PELI2: variants seen among roughly 807,000 people sequenced by gnomAD.
The protein encoded by PELI2 is E3 ubiquitin-protein ligase pellino homolog 2.
In PELI2, 23 loss-of-function variants were observed where a neutral mutation model predicts 42.3. The observed-to-expected ratio is 0.54, with a 90% CI of 0.39 to 0.77. The LOEUF is 0.77. Ranked by LOEUF, PELI2 falls within the 30% of genes least tolerant of loss-of-function variation. The probability of loss-of-function intolerance (pLI) is 0.00; values close to 1 mark genes in which losing one functional copy is unlikely to be tolerated. For missense variants in PELI2, 463 were observed against 553.2 expected, an observed-to-expected ratio of 0.84 and a Z score of 1.64; for synonymous variants, 245 against 212.2, an observed-to-expected ratio of 1.15 and a Z score of -1.34.
At chr14:56,148,072 T>C (rs745962747) in intron 1 of PELI2, among the ~76,000 whole-genome samples, 9 of 152,230 alleles carry the variant, frequency 5.9e-5, no homozygotes, top group South Asian at 2.1e-4. Flanking sequence ...TCCACTTCCT[T>C]GCACTGGATT....
intron 1 of PELI2, among the ~76,000 whole-genome samples, chr14:56,151,511 C>CT (rs1162243953): frequency 4.6e-5 from 7 of 152,320 alleles, no homozygotes; most frequent in Admixed American, 6.5e-5. Flanking sequence ...AATAATACCT[C>CT]AACCATTAGA....
chr14:56,283,996 T>C (rs1407451361), intron 3 of PELI2, among the ~76,000 whole-genome samples: 1 of 152,210 alleles, frequency 6.6e-6, no homozygotes, highest in African/African-American at 2.4e-5. Context: ...ACAGCACTCA[T>C]AGTTCTGAAG....
intron 2 of PELI2, among the ~76,000 whole-genome samples, chr14:56,220,135 G>A (rs1887069930): frequency 6.6e-6 from 1 of 152,124 alleles, no homozygotes; most frequent in African/African-American, 2.4e-5. Flanking sequence ...TAAAGCTCTG[G>A]ACAAGAGGCA....
At chr14:56,178,506 G>A in intron 2 of PELI2, 42 bp downstream of exon 2, 1 of 1,608,078 alleles carries the variant, frequency 6.2e-7, no homozygotes, top group South Asian at 1.1e-5. Flanking sequence ...CTGGCAAACA[G>A]TGACTCACAG....
At chr14:56,154,778 A>G (rs1055520451) in intron 1 of PELI2, among the ~76,000 whole-genome samples, 1 of 152,226 alleles carries the variant, frequency 6.6e-6, no homozygotes, top group African/African-American at 2.4e-5. Context: ...CCTTCAAATT[A>G]GAATTATTAG....
intron 1 of PELI2, among the ~76,000 whole-genome samples, chr14:56,145,752 G>GAT (rs1884091424): frequency 6.6e-6 from 1 of 152,192 alleles, no homozygotes; most frequent in Non-Finnish European, 1.5e-5. Context: ...GAAAGGAAAA[G>GAT]ATACGGCCTC....
chr14:56,174,531 C>G (rs1396184126), intron 1 of PELI2, among the ~76,000 whole-genome samples: 1 of 152,144 alleles, frequency 6.6e-6, no homozygotes, highest in African/African-American at 2.4e-5. Flanking sequence ...AGGGGCCTGG[C>G]AGGAGGCGAT....
intron 2 of PELI2, among the ~76,000 whole-genome samples, chr14:56,242,147 A>G (rs1018446091): frequency 2.6e-5 from 4 of 152,198 alleles, no homozygotes; most frequent in African/African-American, 7.2e-5. Context: ...GGTTCTGTAC[A>G]GAGGATTTTA....
chr14:56,187,480 C>T (rs907871429), intron 2 of PELI2, among the ~76,000 whole-genome samples: 3 of 152,140 alleles, frequency 2.0e-5, no homozygotes, highest in East Asian at 1.9e-4. Flanking sequence ...TAGTTATGAC[C>T]GCTTGTAGTA....
chr14:56,206,583 A>G (rs1886526754), intron 2 of PELI2, among the ~76,000 whole-genome samples: 1 of 152,174 alleles, frequency 6.6e-6, no homozygotes, highest in Non-Finnish European at 1.5e-5. Flanking sequence ...TAATGGTTCT[A>G]CATTCCTAGA....
At chr14:56,125,416 AG>A (rs111561963) in intron 1 of PELI2, among the ~76,000 whole-genome samples, 34,439 of 111,920 alleles carry the variant, frequency 0.31, 4,265 homozygotes, top group Admixed American at 0.37. Context: ...TTGGGTGGGC[AG>A]GGGGGGGGTG....
At chr14:56,123,117 T>C (rs1883124850) in intron 1 of PELI2, among the ~76,000 whole-genome samples, 2 of 151,986 alleles carry the variant, frequency 1.3e-5, no homozygotes, top group South Asian at 4.2e-4. Context: ...TTCCTTTGGA[T>C]GATTCAGTGT....
intron 2 of PELI2, among the ~76,000 whole-genome samples, chr14:56,196,620 C>A (rs1383287994): frequency 6.6e-6 from 1 of 152,140 alleles, no homozygotes; most frequent in Non-Finnish European, 1.5e-5. Context: ...TGAAAAATGG[C>A]CGATAGGATC....
chr14:56,178,755 G>C (rs942561847), intron 2 of PELI2, among the ~76,000 whole-genome samples: 3 of 152,136 alleles, frequency 2.0e-5, no homozygotes, highest in Non-Finnish European at 4.4e-5. Context: ...GGGGAGGGCT[G>C]GGCAGGTAAA....
intron 2 of PELI2, among the ~76,000 whole-genome samples, chr14:56,232,934 A>T (rs1051068950): frequency 6.6e-6 from 1 of 152,158 alleles, no homozygotes; most frequent in South Asian, 2.1e-4. Flanking sequence ...ATCAATGTGC[A>T]AAAATCACAA....
At chr14:56,193,250 A>C (rs1886014207) in intron 2 of PELI2, among the ~76,000 whole-genome samples, 1 of 152,208 alleles carries the variant, frequency 6.6e-6, no homozygotes, top group Non-Finnish European at 1.5e-5. Context: ...CCCAAGACAG[A>C]GGGTAGTGAG....
intron 4 of PELI2, 65 bp from the exon 5 acceptor site, chr14:56,290,203 C>T: frequency 1.5e-6 from 2 of 1,307,406 alleles, no homozygotes; most frequent in South Asian, 3.4e-5. Context: ...TAAAGAAATT[C>T]CAGAATCCTT....
chr14:56,248,865 G>A (rs568676649), intron 2 of PELI2, among the ~76,000 whole-genome samples: 6 of 151,864 alleles, frequency 4.0e-5, no homozygotes, highest in Non-Finnish European at 8.8e-5. Context: ...CATGTGCTGC[G>A]GCTGCTCCTG....
chr14:56,191,206 C>G (rs1414478468), intron 2 of PELI2, among the ~76,000 whole-genome samples: 2 of 152,140 alleles, frequency 1.3e-5, no homozygotes, highest in Non-Finnish European at 2.9e-5. Flanking sequence ...GAAGAAAGGC[C>G]ACATAACTGA....
Sources: gnomAD v4.1 joint callset for allele counts (sites outside exome capture counted in the v4.1 genomes callset) on GRCh38, gnomAD v4.1.1 for gene constraint, MANE v1.5 for transcripts, NCBI Gene and HGNC (gene_info 2026-07-23, HGNC 2026-07-21) for gene names.